The following LIMCH1 variants were observed in gnomAD, a reference collection of about 807,000 sequenced individuals.
The protein encoded by LIMCH1 is LIM and calponin homology domains-containing protein 1.
LIMCH1 carries 113 observed loss-of-function variants against 176.5 expected under a neutral mutation model. The observed-to-expected ratio is 0.64, with a 90% CI of 0.55 to 0.75. The LOEUF is 0.75. LIMCH1 is among the 30% of genes least tolerant of loss of function. LIMCH1 has a pLI of 0.00. For synonymous variants in LIMCH1, 619 were observed against 645.9 expected, an observed-to-expected ratio of 0.96 and a Z score of 0.63; for missense variants, 1,674 against 1,814.9, an observed-to-expected ratio of 0.92 and a Z score of 1.41.
chr4:41,619,149 C>T (rs773996997), intron 5 of LIMCH1, 39 bp from the exon 6 acceptor site: 15 of 1,610,796 alleles, frequency 9.3e-6, no homozygotes, highest in Non-Finnish European at 1.3e-5. Context: ...TTTCTGCTAG[C>T]CTAACACACT....
chr4:41,547,655 G>T (rs903578852), intron 1 of LIMCH1, among the ~76,000 whole-genome samples: 2 of 142,456 alleles, frequency 1.4e-5, no homozygotes, highest in African/African-American at 5.2e-5. Flanking sequence ...AATATATACA[G>T]ATATAAATAT....
rs2053870098 is a variant in LIMCH1 at position 41,370,939 on chromosome 4, A to G, written c.96+10003A>G. Among the ~76,000 whole-genome samples the G allele has an allele frequency of 2.0e-5, 3 of 152,322 alleles. No homozygotes were observed. The South Asian group carries it at 6.2e-4, about 32-fold the overall frequency. ...ACGGAAATGGTAAGTGATATGCTTG[A>G]AGCCACACAGATAATCAGTGGCAGA... is the stretch of plus-strand genomic sequence containing the variant. On this transcript the variant is annotated intron_variant, in intron 1 of 26. Coordinates refer to the LIMCH1 transcript ENST00000313860.
At chr4:41,360,598 C>T, upstream of LIMCH1, 2 of 254,662 alleles carry the variant, frequency 7.9e-6, no homozygotes, top group Non-Finnish European at 7.4e-6. The surrounding 1 kb of genome is among the most constrained non-coding windows in gnomAD (Gnocchi z 4.5). Context: ...AAGAAGCTCC[C>T]GGCGCCTCCG....
chr4:41,674,617 A>G (rs2095156175), intron 22 of LIMCH1, among the ~76,000 whole-genome samples: 1 of 149,192 alleles, frequency 6.7e-6, no homozygotes. Context: ...AAATACTTTA[A>G]GTCAAAACTG....
chr4:41,431,010 A>C (rs2061565162), intron 1 of LIMCH1, among the ~76,000 whole-genome samples: 4 of 152,250 alleles, frequency 2.6e-5, no homozygotes, highest in Admixed American at 6.5e-5. Context: ...AAAATAGCAG[A>C]CATCTGTCAG....
intron 29 of LIMCH1, among the ~76,000 whole-genome samples, chr4:41,689,117 A>G (rs1723264420): frequency 6.6e-6 from 1 of 152,222 alleles, no homozygotes; most frequent in South Asian, 2.1e-4. Context: ...ATAGTGGACC[A>G]GTGAACCACT....
chr4:41,400,758 A>G (rs2058349122), intron 1 of LIMCH1, among the ~76,000 whole-genome samples: 1 of 152,218 alleles, frequency 6.6e-6, no homozygotes, highest in Non-Finnish European at 1.5e-5. Context: ...TCAATTCTGG[A>G]TATATTTTGA....
chr4:41,391,697 AG>A (rs1029673653), intron 1 of LIMCH1, among the ~76,000 whole-genome samples: 1 of 152,176 alleles, frequency 6.6e-6, no homozygotes, highest in African/African-American at 2.4e-5. Flanking sequence ...CATTCTACAA[AG>A]TATCCAACCA....
intron 2 of LIMCH1, among the ~76,000 whole-genome samples, chr4:41,509,704 G>A (rs570360196): frequency 6.6e-6 from 1 of 152,316 alleles, no homozygotes; most frequent in South Asian, 2.1e-4. Flanking sequence ...ACAGGCTTCT[G>A]TTAGAAAGAT....
At chr4:41,652,814 A>G (rs369887226) in intron 18 of LIMCH1, among the ~76,000 whole-genome samples, 46 of 152,310 alleles carry the variant, frequency 3.0e-4, no homozygotes, top group Non-Finnish European at 5.6e-4. Context: ...ACATGATCAC[A>G]TGGAGAAGGA....
intron 3 of LIMCH1, among the ~76,000 whole-genome samples, chr4:41,526,614 G>T (rs1263362113): frequency 2.0e-5 from 3 of 152,082 alleles, no homozygotes. Context: ...CTGTGTCCAT[G>T]ACTTCAGCTC....
intron 2 of LIMCH1, among the ~76,000 whole-genome samples, chr4:41,512,438 A>G (rs2075041772): frequency 1.3e-5 from 2 of 152,244 alleles, no homozygotes; most frequent in African/African-American, 4.8e-5. Context: ...ACATCCACAC[A>G]AAATCTTGTA....
intron 1 of LIMCH1, among the ~76,000 whole-genome samples, chr4:41,376,133 G>A (rs527615678): frequency 1.3e-5 from 2 of 152,230 alleles, no homozygotes; most frequent in African/African-American, 4.8e-5. Flanking sequence ...CTTTCTGAAT[G>A]AAGACATTTC....
At chr4:41,584,273 G>A (rs2086054057) in intron 1 of LIMCH1, among the ~76,000 whole-genome samples, 1 of 152,208 alleles carries the variant, frequency 6.6e-6, no homozygotes, top group African/African-American at 2.4e-5. Flanking sequence ...TGTCTCACAT[G>A]TCTTGGGGGT....
At chr4:41,502,907 TCACACA>T (rs71650929) in intron 2 of LIMCH1, among the ~76,000 whole-genome samples, 3 of 142,122 alleles carry the variant, frequency 2.1e-5, no homozygotes, top group Admixed American at 7.1e-5. Context: ...CGGAGGTAAA[TCACACA>T]CACACACACA....
rs2153088869 is a variant in LIMCH1, at chr4:41,692,560, A to G, written c.4378+176A>G. The G allele has an allele frequency of 7.3e-6, 4 of 548,812 alleles. No individual in the cohort carries two copies. In the East Asian group the frequency reaches 1.3e-4, roughly 17 times the overall value. The allele number at this position is 548,812 out of a possible 1,614,324, so 34.0% of individuals were successfully genotyped here. A position where few individuals can be genotyped will look rare whatever the true frequency, so the allele number is the denominator to read the frequency against. Reference sequence around the variant, plus strand: ...TATTTACCACTCGTTTCTTCCTGGAAGTTATTGCTACAATGTGGACCAATT... The same window carrying G: ...TATTTACCACTCGTTTCTTCCTGGAGGTTATTGCTACAATGTGGACCAATT... On this transcript the variant is annotated intron_variant, in intron 31 of 31. Transcript: ENST00000503057.
chr4:41,693,580 AC>A (rs1479297149), intron 31 of LIMCH1, among the ~76,000 whole-genome samples: 3 of 150,182 alleles, frequency 2.0e-5, no homozygotes, highest in Non-Finnish European at 4.4e-5. Flanking sequence ...TAAATAGTAT[AC>A]CATATATCAT....
At chr4:41,361,061 C>G in intron 1 of LIMCH1, 1 of 563,244 alleles carries the variant, frequency 1.8e-6, no homozygotes, top group East Asian at 3.5e-5. Flanking sequence ...GCCAGCTGCT[C>G]CAGGTCACCC....
rs2094245847 is a variant in LIMCH1 at position 41,650,453 on chromosome 4, G to C, written c.2881G>C (p.Glu961Gln). ...TCATAGAGAGGAGGAGAAGGAAAGA[G>C]AGTGTCCCACGGTGGCACCTGCCCA... is the stretch of plus-strand genomic sequence containing the variant. ...TVHREEEKER[E>Q]CPTVAPAHSL... Residue 961 changes from glutamate (E) to glutamine (Q), a missense_variant, in exon 18 of 32, where the codon GAG becomes CAG. Physicochemically the swap from Glu to Gln is conservative, Grantham distance 29. This residue lies in a region of LIMCH1 where 1,015 missense variants were observed against 1,102.5 expected (regional missense o/e 0.92). Transcript: ENST00000503057. 6.2e-7 allele frequency: 1 copy of C among 1,614,080 alleles called. No individual in the cohort carries two copies. Among genetic ancestry groups the C allele is most frequent in the Non-Finnish European group, 8.5e-7 (1 of 1,179,978 alleles).
Sources: allele counts gnomAD v4.1 joint callset (sites outside exome capture counted in the v4.1 genomes callset), GRCh38; gene constraint gnomAD v4.1.1; regional missense constraint gnomAD v4.1.1; non-coding constraint Gnocchi (gnomAD v3.1); transcripts MANE v1.5; gene names NCBI Gene and HGNC (gene_info 2026-07-23, HGNC 2026-07-21).